BPTF: variants seen among roughly 807,000 people sequenced by gnomAD.
The protein encoded by BPTF is nucleosome-remodeling factor subunit BPTF.
BPTF carries 18 observed loss-of-function variants against 292.5 expected under a neutral mutation model. The observed-to-expected ratio is 0.06, with a 90% CI of 0.04 to 0.09. The LOEUF is 0.09. Ranked by LOEUF, BPTF falls within the 10% of genes least tolerant of loss-of-function variation. The pLI, the probability that BPTF is intolerant of heterozygous loss-of-function variation, is 1.00. For synonymous variants in BPTF, 1,225 were observed against 1,251.9 expected (o/e 0.98, Z 0.45); for missense variants, 2,726 against 3,498.7 (o/e 0.78, Z 5.57).
chr17:67,941,439 C>T (rs947733729), intron 19 of BPTF, among the ~76,000 whole-genome samples: 4 of 152,050 alleles, frequency 2.6e-5, no homozygotes, highest in Admixed American at 2.0e-4. Context: ...GGTGACAAAG[C>T]AAGACTTCAT....
intron 1 of BPTF, among the ~76,000 whole-genome samples, chr17:67,847,312 C>T (rs1183294043): frequency 1.3e-5 from 2 of 151,804 alleles, no homozygotes; most frequent in African/African-American, 4.8e-5. Flanking sequence ...GTCAGGAGTT[C>T]GAGACCAGCC....
At chr17:67,875,867 A>G (rs1262644260) in intron 4 of BPTF, 4 of 807,308 alleles carry the variant, frequency 5.0e-6, no homozygotes, top group Non-Finnish European at 6.7e-6. Flanking sequence ...TTACAGTGCC[A>G]TCCCCATTTG....
intron 5 of BPTF, among the ~76,000 whole-genome samples, chr17:67,892,947 A>G (rs2061219277): frequency 6.6e-6 from 1 of 152,228 alleles, no homozygotes; most frequent in Admixed American, 6.5e-5. Flanking sequence ...AGCTGGAATG[A>G]TAAAAGGACC....
intron 24 of BPTF, among the ~76,000 whole-genome samples, chr17:67,960,785 A>G (rs1453148489): frequency 3.3e-5 from 5 of 152,210 alleles, no homozygotes; most frequent in Admixed American, 6.5e-5. Context: ...CTAAAATAAA[A>G]TTGTGGTCCC....
chr17:67,909,279 CTTT>C (rs35827193), intron 9 of BPTF, among the ~76,000 whole-genome samples: 1 of 91,440 alleles, frequency 1.1e-5, no homozygotes, highest in African/African-American at 6.0e-5. Context: ...CCCCCCCCCC[CTTT>C]TTTTTTTTAT....
chr17:67,966,276 T>C (rs2068088640), intron 25 of BPTF: 2 of 280,714 alleles, frequency 7.1e-6, no homozygotes, highest in African/African-American at 4.5e-5. Context: ...GCGATTGCAA[T>C]GCCAGCATCA....
At chr17:67,971,670 G>GGT (rs1453278208) in intron 26 of BPTF, among the ~76,000 whole-genome samples, 1 of 151,782 alleles carries the variant, frequency 6.6e-6, no homozygotes, top group African/African-American at 2.4e-5. Context: ...CGGGCATGGT[G>GGT]GTGTGTGCCT....
intron 24 of BPTF, chr17:67,963,565 G>T: frequency 3.1e-6 from 4 of 1,298,716 alleles, no homozygotes; most frequent in South Asian, 5.0e-5. Context: ...GCTCTGACTG[G>T]TTACTTATTT....
chr17:67,966,268 G>A (rs189843271), intron 25 of BPTF: 9 of 264,786 alleles, frequency 3.4e-5, no homozygotes, highest in Admixed American at 9.8e-5. Flanking sequence ...TGACAGAAGC[G>A]ATTGCAATGC....
chr17:67,935,671 C>T (rs1366491718), intron 18 of BPTF, among the ~76,000 whole-genome samples: 6 of 152,036 alleles, frequency 3.9e-5, no homozygotes, highest in Non-Finnish European at 5.9e-5. Context: ...GCCTGCCCAA[C>T]GTGGTGAAAC....
At chr17:67,918,252 GA>G (rs1177940581) in intron 11 of BPTF, among the ~76,000 whole-genome samples, 1 of 152,152 alleles carries the variant, frequency 6.6e-6, no homozygotes, top group African/African-American at 2.4e-5. Flanking sequence ...TATTCTTTTA[GA>G]AAATTTAAAC....
chr17:67,968,188 G>T (rs987179052), intron 26 of BPTF, among the ~76,000 whole-genome samples: 8 of 150,474 alleles, frequency 5.3e-5, no homozygotes, highest in African/African-American at 2.0e-4. Context: ...ACTAATGAAA[G>T]AATTATGTTC....
At chr17:67,891,806 A>G (rs1472510754) in intron 4 of BPTF, 38 bp from the exon 5 acceptor site, 1 of 1,468,028 alleles carries the variant, frequency 6.8e-7, no homozygotes. Context: ...TTATTTACTT[A>G]TTGTCAGCAA....
chr17:67,964,738 T>A (rs59956089), intron 25 of BPTF, among the ~76,000 whole-genome samples: 1 of 151,994 alleles, frequency 6.6e-6, no homozygotes, highest in South Asian at 2.1e-4. Flanking sequence ...TGGTGGCTCA[T>A]GCCTGTAATC....
Position 67,929,402 on chromosome 17 carries a change from C to T in BPTF, c.6065C>T (p.Thr2022Ile). The stretch of plus-strand genomic sequence containing the variant: ...TCAAGTACAGGTACCAGTCAGCAAA[C>T]CTTTACTTCATTCCAGCCCAGGACA... ...IPSSTGTSQQTFTSFQPRTAT... is the reference protein window; with the variant it reads ...IPSSTGTSQQIFTSFQPRTAT... The change falls in exon 17 of 28, where the codon ACC becomes ATC. Residue 2022 changes from threonine (T) to isoleucine (I), a missense_variant. By Grantham distance (89) the Thr-to-Ile change is moderately conservative (BLOSUM62 -1). Around this residue, in one of 22 missense-constraint regions of BPTF, gnomAD observed 198 missense variants for 277.1 expected, o/e 0.71. Transcript: ENST00000306378. 1 of 1,614,068 alleles carries T rather than the reference C, an allele frequency of 6.2e-7. No individual in the cohort carries two copies. The highest frequency in any genetic ancestry group is 8.5e-7 in the Non-Finnish European group (1 of 1,179,996).
Position 67,928,573 on chromosome 17 carries a change from A to G in BPTF, c.5970A>G (p.Thr1990=), listed in dbSNP as rs762260281. The change falls in exon 16 of 28, where the codon ACA becomes ACG. Residue 1990 remains threonine (T), a synonymous_variant. Coordinates refer to ENST00000306378, the MANE Select transcript of BPTF (RefSeq NM_182641.4). The part of the protein sequence containing the change: ...QNKNFHQTFA[T]WVKQGQSNSG... ...AGAACTTTCATCAAACCTTTGCTAC[A>G]TGGGTTAAGCAAGGCCAGTCAAATT... The G allele has an allele frequency of 5.6e-6, 9 of 1,614,096 alleles. No individual in the cohort carries two copies. The highest frequency in any genetic ancestry group is 3.4e-6 in the Non-Finnish European group (4 of 1,179,958).
chr17:67,949,304 G>A (rs1332496157), intron 23 of BPTF, among the ~76,000 whole-genome samples: 3 of 152,154 alleles, frequency 2.0e-5, no homozygotes, highest in Non-Finnish European at 4.4e-5. Flanking sequence ...AGCAGAGGTT[G>A]CAGTGAGCCT....
intron 7 of BPTF, among the ~76,000 whole-genome samples, chr17:67,898,250 T>C (rs147553910): frequency 1.5e-3 from 224 of 152,218 alleles, no homozygotes; most frequent in Non-Finnish European, 2.7e-3. Context: ...TAGTCCCAGC[T>C]ACTAGGAGGC....
rs11376410 is a variant in BPTF, at chr17:67,979,169, C to CAAAAAAAAAAAAAAAAAAAAAAAA, written c.8727-3062_8727-3061insAAAAAAAAAAAAAAAAAAAAAAAA. 1.9e-4 allele frequency among the ~76,000 whole-genome samples: 14 copies of CAAAAAAAAAAAAAAAAAAAAAAAA among 72,564 alleles called. 1 individual carries two copies. The highest frequency in any genetic ancestry group is 1.1e-3 in the African/African-American group (14 of 12,500). The allele number at this position is 72,564 out of a possible 152,430, so 47.6% of individuals were successfully genotyped here. A position where few individuals can be genotyped will look rare whatever the true frequency, so the allele number is the denominator to read the frequency against. ...TGGAAGACACAACAAGACCCTGTCTCAAAAAAAAAAAAAAAAAAAAAGGCC... is the reference window on the plus strand; with the variant it reads ...TGGAAGACACAACAAGACCCTGTCTCAAAAAAAAAAAAAAAAAAAAAAAAAAAAAAAAAAAAAAAAAAAAAGGCC... On this transcript the variant is annotated intron_variant, in intron 27 of 27. Coordinates refer to ENST00000306378, the MANE Select transcript of BPTF (RefSeq NM_182641.4).
Sources: allele counts gnomAD v4.1 joint callset (sites outside exome capture counted in the v4.1 genomes callset), GRCh38; gene constraint gnomAD v4.1.1; regional missense constraint gnomAD v4.1.1; transcripts MANE v1.5; gene names NCBI Gene and HGNC (gene_info 2026-07-23, HGNC 2026-07-21).